Variants in SZRD1 observed in about 807,000 individuals in gnomAD.
The protein encoded by SZRD1 is SUZ RNA binding domain containing 1.
SZRD1 carries 7 observed loss-of-function variants against 17.6 expected under a neutral mutation model. That is an observed-to-expected ratio of 0.40 (90% CI 0.23 to 0.75). The LOEUF is 0.75. SZRD1 is among the 30% of genes least tolerant of loss of function. The probability of loss-of-function intolerance (pLI) is 0.38; values close to 1 mark genes in which losing one functional copy is unlikely to be tolerated. For missense variants in SZRD1, 178 were observed against 201.8 expected, an observed-to-expected ratio of 0.88 and a Z score of 0.71; for synonymous variants, 77 against 77.9, an observed-to-expected ratio of 0.99 and a Z score of 0.06.
intron 1 of SZRD1, among the ~76,000 whole-genome samples, chr1:16,372,677 T>TA (rs2082934135): frequency 6.6e-6 from 1 of 152,214 alleles, no homozygotes; most frequent in African/African-American, 2.4e-5. Context: ...TTGAATAAGT[T>TA]AAAGGATGAC....
intron 1 of SZRD1, among the ~76,000 whole-genome samples, chr1:16,386,199 T>G (rs998273484): frequency 1.3e-5 from 2 of 152,240 alleles, no homozygotes; most frequent in African/African-American, 4.8e-5. Context: ...CACCGCCCTG[T>G]GTGGTATGCT....
At position 16,391,348 on chromosome 1, in the gene SZRD1, CT is replaced by C. The variant is rs1233550462; in HGVS notation, c.52-22del. 1 of 1,504,428 alleles carries C rather than the reference CT, an allele frequency of 6.6e-7. No homozygotes were observed. Among genetic ancestry groups the C allele is most frequent in the East Asian group, 2.5e-5 (1 of 40,682 alleles). The allele number at this position is 1,504,428 out of a possible 1,614,324, so 93.2% of individuals were successfully genotyped here. On this transcript the variant is annotated intron_variant, in intron 1 of 3. Coordinates refer to ENST00000401088, the MANE Select transcript of SZRD1 (RefSeq NM_001114600.3). The surrounding 1 kb of genome is among the most constrained non-coding windows in gnomAD (Gnocchi z 4.3). ...TTTTATTTGAGAGAGATTTTTTCCT[CT>C]TTTTATATACATTTTTTTCCTCTAG...
chr1:16,372,245 G>A (rs1408875139), intron 1 of SZRD1, among the ~76,000 whole-genome samples: 2 of 152,138 alleles, frequency 1.3e-5, no homozygotes, highest in Non-Finnish European at 2.9e-5. Flanking sequence ...GGCTGAGGCG[G>A]GCAGATCACC....
At chr1:16,379,338 C>CAAATTATATAACCTATCT (rs1557624889) in intron 1 of SZRD1, among the ~76,000 whole-genome samples, 1 of 147,428 alleles carries the variant, frequency 6.8e-6, no homozygotes, top group Non-Finnish European at 1.5e-5. Context: ...AGAATGGCCT[C>CAAATTATATAACCTATCT]GTGATCCGCC....
intron 1 of SZRD1, among the ~76,000 whole-genome samples, chr1:16,380,236 A>G (rs1017734945): frequency 3.3e-5 from 5 of 152,014 alleles, no homozygotes; most frequent in Admixed American, 3.3e-4. Context: ...TCTACTTGGG[A>G]GGCTGAGGCA....
chr1:16,369,572 CCTTA>C (rs1424928885), intron 1 of SZRD1: 78 of 677,740 alleles, frequency 1.2e-4, no homozygotes, highest in South Asian at 8.6e-4. Context: ...TTCTGCTATC[CCTTA>C]CTTTAGTAAT....
chr1:16,370,793 C>T (rs1184404066), intron 1 of SZRD1, among the ~76,000 whole-genome samples: 2 of 152,054 alleles, frequency 1.3e-5, no homozygotes, highest in East Asian at 3.9e-4. Flanking sequence ...TGAGCCACTG[C>T]CCTCAGCCAG....
At chr1:16,385,429 A>G (rs764593659) in intron 1 of SZRD1, among the ~76,000 whole-genome samples, 16 of 152,182 alleles carry the variant, frequency 1.1e-4, no homozygotes, top group Non-Finnish European at 2.1e-4. Flanking sequence ...GCTGTTGTGT[A>G]AACATTCGTA....
At chr1:16,388,131 T>C (rs61770606) in intron 1 of SZRD1, among the ~76,000 whole-genome samples, 12,500 of 152,270 alleles carry the variant, frequency 0.082, 677 homozygotes, top group Non-Finnish European at 0.12. Context: ...ATATATATTT[T>C]GAGACAGAGT....
chr1:16,367,356 T>G, intron 1 of SZRD1, 48 bp downstream of exon 1: 1 of 1,512,988 alleles, frequency 6.6e-7, no homozygotes, highest in Non-Finnish European at 9.0e-7. Flanking sequence ...AGACCTGGCG[T>G]GAGGGGAGCC....
chr1:16,393,171 G>A lies in SZRD1; in HGVS notation c.102-57G>A. On this transcript the variant is annotated intron_variant, in intron 2 of 3. Coordinates refer to ENST00000401088, the MANE Select transcript of SZRD1 (RefSeq NM_001114600.3). This position sits in a 1 kb window ranked among gnomAD's most constrained non-coding sequence, Gnocchi z 5.6. ...TGATGAGAGGTGGGTGTGGGACATGGACAGGGCCTCCTTAGTCAGGAGCAT... is the reference window on the plus strand; with the variant it reads ...TGATGAGAGGTGGGTGTGGGACATGAACAGGGCCTCCTTAGTCAGGAGCAT... 6.3e-7 allele frequency: 1 copy of A among 1,591,368 alleles called. No homozygotes were observed. The highest frequency in any genetic ancestry group is 1.1e-5 in the South Asian group (1 of 87,772).
chr1:16,389,737 G>A lies in SZRD1; in HGVS notation c.52-1638G>A, dbSNP rs549337902. 5.9e-5 allele frequency among the ~76,000 whole-genome samples: 9 copies of A among 152,320 alleles called. No individual in the cohort carries two copies. The South Asian group carries it at 1.2e-3, about 21-fold the overall frequency. On this transcript the variant is annotated intron_variant, in intron 1 of 3. Transcript: ENST00000401088. ...TGGGATTATAGGCGTGAGCCACCGC[G>A]CTGGGCTGAGAATAGTTATTTTCAG...
At chr1:16,371,899 G>T (rs1435444089) in intron 1 of SZRD1, among the ~76,000 whole-genome samples, 4 of 152,072 alleles carry the variant, frequency 2.6e-5, no homozygotes, top group Non-Finnish European at 5.9e-5. Flanking sequence ...AATTTAAAAA[G>T]AAAATTTTTT....
At chr1:16,369,593 TA>T in intron 1 of SZRD1, 1 of 632,270 alleles carries the variant, frequency 1.6e-6, no homozygotes, top group Non-Finnish European at 2.8e-6. Context: ...TAATATCCTT[TA>T]AAAATGTACC....
In SZRD1 at chr1:16,389,742, G is replaced by A. The variant is rs995554483; in HGVS notation, c.52-1633G>A. Among the ~76,000 whole-genome samples the A allele has an allele frequency of 3.9e-5, 6 of 152,258 alleles. No individual in the cohort carries two copies. The South Asian group carries it at 6.2e-4, about 16-fold the overall frequency. The stretch of plus-strand genomic sequence containing the variant: ...TTATAGGCGTGAGCCACCGCGCTGG[G>A]CTGAGAATAGTTATTTTCAGAACAT... On this transcript the variant is annotated intron_variant, in intron 1 of 3. Coordinates refer to ENST00000401088, the MANE Select transcript of SZRD1 (RefSeq NM_001114600.3).
intron 1 of SZRD1, among the ~76,000 whole-genome samples, chr1:16,368,210 G>A (rs1227477084): frequency 6.6e-6 from 1 of 151,932 alleles, no homozygotes; most frequent in South Asian, 2.1e-4. Context: ...TGTGAATATG[G>A]GGAGATGCTT....
At chr1:16,385,723 G>T (rs530374303) in intron 1 of SZRD1, among the ~76,000 whole-genome samples, 36 of 152,040 alleles carry the variant, frequency 2.4e-4, no homozygotes, top group Non-Finnish European at 5.1e-4. Flanking sequence ...GATCTTATCC[G>T]CATTGTACTC....
chr1:16,387,572 C>G (rs1447095529), intron 1 of SZRD1: 1 of 456,578 alleles, frequency 2.2e-6, no homozygotes, highest in Non-Finnish European at 4.4e-6. Flanking sequence ...GCCCTGCAGC[C>G]CCTTCACTTC....
At chr1:16,368,270 C>G (rs1417836245) in intron 1 of SZRD1, among the ~76,000 whole-genome samples, 1 of 152,108 alleles carries the variant, frequency 6.6e-6, no homozygotes, top group Non-Finnish European at 1.5e-5. Flanking sequence ...GCACTGACAT[C>G]CACCTTAAAG....
Sources: allele counts gnomAD v4.1 joint callset (sites outside exome capture counted in the v4.1 genomes callset), GRCh38; gene constraint gnomAD v4.1.1; non-coding constraint Gnocchi (gnomAD v3.1); transcripts MANE v1.5; gene names NCBI Gene and HGNC (gene_info 2026-07-23, HGNC 2026-07-21).